Variants in PTPRK observed in about 807,000 individuals in gnomAD.
PTPRK encodes receptor-type tyrosine-protein phosphatase kappa.
Under a neutral mutation model 178.0 loss-of-function variants are expected in PTPRK, and 75 were observed. That is an observed-to-expected ratio of 0.42 (90% CI 0.35 to 0.51). The LOEUF (loss-of-function observed/expected upper bound fraction) is 0.51, where lower values mean the gene tolerates loss of function less well. Ranked by LOEUF, PTPRK falls within the 20% of genes least tolerant of loss-of-function variation. PTPRK has a pLI of 0.02. For missense variants in PTPRK, 1,441 were observed against 1,797.8 expected (o/e 0.80, Z 3.59); for synonymous variants, 637 against 620.6 (o/e 1.03, Z -0.39).
intron 2 of PTPRK, among the ~76,000 whole-genome samples, chr6:128,386,047 T>C (rs1018722750): frequency 6.6e-6 from 1 of 152,152 alleles, no homozygotes; most frequent in African/African-American, 2.4e-5. Flanking sequence ...GTTTTTTTGA[T>C]TGGTATATAT....
At chr6:128,152,498 G>C (rs1320984506) in intron 7 of PTPRK, among the ~76,000 whole-genome samples, 1 of 151,788 alleles carries the variant, frequency 6.6e-6, no homozygotes, top group African/African-American at 2.4e-5. Flanking sequence ...GACAGGGTAG[G>C]GAAAGGAGAA....
At chr6:128,289,915 C>T (rs551488412) in intron 3 of PTPRK, among the ~76,000 whole-genome samples, 5 of 152,188 alleles carry the variant, frequency 3.3e-5, no homozygotes, top group East Asian at 3.9e-4. Context: ...CTTTGCACTG[C>T]ATAAATGTCA....
At chr6:128,432,846 T>C (rs1453998843) in intron 1 of PTPRK, among the ~76,000 whole-genome samples, 1 of 152,194 alleles carries the variant, frequency 6.6e-6, no homozygotes, top group Non-Finnish European at 1.5e-5. Flanking sequence ...ATTTTCATTA[T>C]TTTAAATTTT....
intron 7 of PTPRK, among the ~76,000 whole-genome samples, chr6:128,149,606 A>G (rs1294517828): frequency 1.3e-5 from 2 of 152,180 alleles, no homozygotes; most frequent in African/African-American, 4.8e-5. Flanking sequence ...AATGGGCTTA[A>G]TAATACATAC....
At chr6:128,112,554 A>G (rs1790844955) in intron 7 of PTPRK, among the ~76,000 whole-genome samples, 1 of 152,122 alleles carries the variant, frequency 6.6e-6, no homozygotes, top group Admixed American at 6.6e-5. Flanking sequence ...AAAGCATGTG[A>G]CAGAGGAAAC....
chr6:128,451,848 G>C (rs1054663131), intron 1 of PTPRK, among the ~76,000 whole-genome samples: 7 of 152,108 alleles, frequency 4.6e-5, no homozygotes, highest in Admixed American at 2.0e-4. Flanking sequence ...CAAAAAGTTT[G>C]GAAACCACCG....
chr6:127,992,792 C>T (rs1776751675), intron 18 of PTPRK, 83 bp from the exon 19 acceptor site: 9 of 1,114,826 alleles, frequency 8.1e-6, no homozygotes, highest in Non-Finnish European at 1.2e-5. Context: ...TGAAGACAAC[C>T]ACCTGTTAAG....
intron 13 of PTPRK, among the ~76,000 whole-genome samples, chr6:128,036,544 T>C (rs1296376167): frequency 6.6e-6 from 1 of 152,230 alleles, no homozygotes; most frequent in Non-Finnish European, 1.5e-5. Context: ...TTAATACACA[T>C]ATCTTACTCA....
At chr6:128,169,308 C>T (rs900935750) in intron 7 of PTPRK, among the ~76,000 whole-genome samples, 11 of 151,920 alleles carry the variant, frequency 7.2e-5, no homozygotes, top group Admixed American at 1.3e-4. Context: ...TGTCAAAACA[C>T]ATTGTATATT....
At chr6:128,311,304 T>C (rs905732120) in intron 3 of PTPRK, among the ~76,000 whole-genome samples, 13 of 152,152 alleles carry the variant, frequency 8.5e-5, no homozygotes, top group African/African-American at 3.1e-4. Flanking sequence ...TGCTGTGTTA[T>C]GGGCCCCTTT....
chr6:128,021,500 G>C (rs938467200), intron 13 of PTPRK, among the ~76,000 whole-genome samples: 1 of 152,170 alleles, frequency 6.6e-6, no homozygotes, highest in African/African-American at 2.4e-5. Context: ...GCCGGGCGTG[G>C]TGGTGGGCGC....
At chr6:128,351,552 C>T (rs1833135858) in intron 2 of PTPRK, among the ~76,000 whole-genome samples, 1 of 152,080 alleles carries the variant, frequency 6.6e-6, no homozygotes, top group Admixed American at 6.6e-5. Flanking sequence ...AGCTCATTTT[C>T]TCACCTAGTT....
At chr6:128,020,217 A>T (rs996561381) in intron 13 of PTPRK, among the ~76,000 whole-genome samples, 3 of 152,192 alleles carry the variant, frequency 2.0e-5, no homozygotes, top group Non-Finnish European at 4.4e-5. Flanking sequence ...CATATGTGAC[A>T]TCCAAGTAGT....
chr6:128,108,318 A>G (rs557494999), intron 7 of PTPRK, among the ~76,000 whole-genome samples: 391 of 152,346 alleles, frequency 2.6e-3, no homozygotes, highest in Non-Finnish European at 4.4e-3. Flanking sequence ...AAATAACAAA[A>G]GAAGAAAAAA....
chr6:128,425,400 C>A (rs1844009447), intron 1 of PTPRK, among the ~76,000 whole-genome samples: 2 of 151,892 alleles, frequency 1.3e-5, no homozygotes. Flanking sequence ...TTTTATCCCT[C>A]ACAACCCCTC....
At chr6:128,203,087 C>T (rs932867009) in intron 6 of PTPRK, among the ~76,000 whole-genome samples, 2 of 152,138 alleles carry the variant, frequency 1.3e-5, no homozygotes, top group African/African-American at 4.8e-5. Flanking sequence ...CCCCGGGATG[C>T]AAGGTTGGTT....
intron 7 of PTPRK, among the ~76,000 whole-genome samples, chr6:128,101,396 A>G (rs1435150385): frequency 1.3e-5 from 2 of 152,044 alleles, no homozygotes; most frequent in Non-Finnish European, 2.9e-5. Context: ...TAGTTTCCAG[A>G]CTAAAACCTT....
At chr6:128,441,282 A>G (rs1846248724) in intron 1 of PTPRK, among the ~76,000 whole-genome samples, 1 of 152,166 alleles carries the variant, frequency 6.6e-6, no homozygotes, top group Non-Finnish European at 1.5e-5. Flanking sequence ...ATGTTTTCTA[A>G]GGAGACTCAG....
intron 16 of PTPRK, among the ~76,000 whole-genome samples, chr6:127,997,952 A>G (rs1209225972): frequency 6.6e-6 from 1 of 152,138 alleles, no homozygotes; most frequent in African/African-American, 2.4e-5. Context: ...AAATGTGTGC[A>G]TACTGTGATG....
Sources: allele counts gnomAD v4.1 joint callset (sites outside exome capture counted in the v4.1 genomes callset), GRCh38; gene constraint gnomAD v4.1.1; transcripts MANE v1.5; gene names NCBI Gene and HGNC (gene_info 2026-07-23, HGNC 2026-07-21).